Variants in ABHD12B observed in about 807,000 individuals in gnomAD.
ABHD12B encodes abhydrolase domain containing 12B.
In ABHD12B, 42 loss-of-function variants were observed where a neutral mutation model predicts 50.4. The ratio of observed to expected loss-of-function variants is 0.83; its 90% CI spans 0.65 to 1.08. The LOEUF (loss-of-function observed/expected upper bound fraction) is 1.08. Ranked by LOEUF, ABHD12B falls within the 50% of genes least tolerant of loss-of-function variation. The pLI is 0.00. For missense variants in ABHD12B, 479 were observed against 447.7 expected, an observed-to-expected ratio of 1.07 and a Z score of -0.63; for synonymous variants, 167 against 160.3, an observed-to-expected ratio of 1.04 and a Z score of -0.32.
chr14:50,893,109 T>C (rs1264978138), intron 9 of ABHD12B: 1 of 152,250 alleles, frequency 6.6e-6, no homozygotes, highest in African/African-American at 2.4e-5. Context: ...CTGTTTTTCA[T>C]GCAGTGTTCT....
chr14:50,883,973 G>A (rs991687810), intron 5 of ABHD12B, among the ~76,000 whole-genome samples: 20 of 151,560 alleles, frequency 1.3e-4, no homozygotes, highest in Admixed American at 1.1e-3. Flanking sequence ...CTATATATAC[G>A]TTTAGGTTGT....
intron 8 of ABHD12B, among the ~76,000 whole-genome samples, chr14:50,888,156 C>T (rs751716457): frequency 3.3e-5 from 5 of 151,950 alleles, no homozygotes; most frequent in African/African-American, 7.3e-5. Flanking sequence ...TTCTTAGCAA[C>T]GGACTGCATG....
At position 50,881,613 on chromosome 14, in the gene ABHD12B, T is replaced by C. The variant is rs1187457861; in HGVS notation, c.473T>C (p.Leu158Pro). The change falls in exon 5 of 13, where the codon CTG becomes CCG. Residue 158 changes from leucine (L) to proline (P), a missense_variant. Transcript: ENST00000337334. ...CTTCACAGGGCAGCTTCGCACAGAC[T>C]GAAGCTGGTAAAGGTATGTCTGAAG... ...SAEHRAASHR[L>P]KLVKVLSDGG... 3.1e-6 allele frequency: 5 copies of C among 1,606,826 alleles called. No homozygotes were observed. Among genetic ancestry groups the C allele is most frequent in the Admixed American group, 1.7e-5 (1 of 59,388 alleles).
chr14:50,899,260 A>G (rs1566494651), intron 9 of ABHD12B, among the ~76,000 whole-genome samples: 1 of 152,228 alleles, frequency 6.6e-6, no homozygotes, highest in Non-Finnish European at 1.5e-5. Flanking sequence ...CCTAAGCCAG[A>G]ACTATGAAGC....
At chr14:50,890,029 T>C (rs962003713) in intron 9 of ABHD12B, among the ~76,000 whole-genome samples, 1 of 152,178 alleles carries the variant, frequency 6.6e-6, no homozygotes, top group Non-Finnish European at 1.5e-5. Context: ...TATCTAAGTT[T>C]AACTAAATAT....
In ABHD12B at chr14:50,878,030, A is replaced by G; in HGVS notation, c.183A>G (p.Lys61=). ...ACAGCTTTACTAGTAAATCCTTAAAAGAACACGTTTTCCTTCCTCTGATAG... is the reference window on the plus strand; with the variant it reads ...ACAGCTTTACTAGTAAATCCTTAAAGGAACACGTTTTCCTTCCTCTGATAG... The part of the protein sequence containing the change: ...LYDSFTSKSL[K]EHVFLPLIDM... Residue 61 remains lysine (K), a synonymous_variant, in exon 2 of 13, where the codon AAA becomes AAG. Transcript: ENST00000337334. 3 of 1,534,744 alleles carry G rather than the reference A, an allele frequency of 2.0e-6. No individual in the cohort carries two copies. The highest frequency in any genetic ancestry group is 2.6e-6 in the Non-Finnish European group (3 of 1,146,406).
chr14:50,886,235 C>T (rs973852883), intron 7 of ABHD12B, among the ~76,000 whole-genome samples: 18 of 151,878 alleles, frequency 1.2e-4, no homozygotes, highest in East Asian at 1.9e-4. Context: ...GCCAGGAGTT[C>T]GAGACTAGCC....
rs747184680 is a variant in ABHD12B at position 50,885,652 on chromosome 14, C to T, written c.525C>T (p.Asp175=). ...SDGGFHVLSV[D]YRGFGDSTGK... Reference sequence around the variant, plus strand: ...GTGGCTTTCATGTCTTGTCTGTTGACTACAGAGGTATGTGTTAAGAACGGT... The same window carrying T: ...GTGGCTTTCATGTCTTGTCTGTTGATTACAGAGGTATGTGTTAAGAACGGT... Residue 175 remains aspartate, a synonymous_variant, in exon 6 of 13, where the codon GAC becomes GAT. Transcript: ENST00000337334. The T allele has an allele frequency of 1.2e-6, 2 of 1,614,200 alleles. No individual in the cohort carries two copies. The highest frequency in any genetic ancestry group is 3.3e-5 in the Admixed American group (2 of 60,028).
chr14:50,889,948 A>C (rs1458278069), intron 9 of ABHD12B, among the ~76,000 whole-genome samples: 1 of 152,232 alleles, frequency 6.6e-6, no homozygotes, highest in Admixed American at 6.5e-5. Flanking sequence ...AACTATTTTC[A>C]GGGAAAAGTA....
intron 9 of ABHD12B, among the ~76,000 whole-genome samples, chr14:50,894,495 A>G (rs549131226): frequency 5.9e-5 from 9 of 152,140 alleles, no homozygotes; most frequent in Admixed American, 6.5e-5. Context: ...TGTGTTCTCA[A>G]AAACTTAAAA....
chr14:50,904,504 T>C lies in ABHD12B; in HGVS notation c.*138T>C. The stretch of plus-strand genomic sequence containing the variant: ...CTTCTCTACAAATCACTTGCCATTT[T>C]AACAACAGAAAGTACGAATGTTAGG... On this transcript the variant is annotated 3_prime_UTR_variant, in exon 13 of 13. Transcript: ENST00000337334. 1 of 1,076,100 alleles carries C rather than the reference T, an allele frequency of 9.3e-7. No individual in the cohort carries two copies. The highest frequency in any genetic ancestry group is 1.4e-6 in the Non-Finnish European group (1 of 712,004). The allele number at this position is 1,076,100 out of a possible 1,614,324, so 66.7% of individuals were successfully genotyped here.
chr14:50,895,595 A>G (rs1403176951), intron 9 of ABHD12B: 3 of 151,718 alleles, frequency 2.0e-5, no homozygotes, highest in African/African-American at 4.8e-5. Flanking sequence ...CTCTGGCCCA[A>G]GGCTCTCTGA....
At position 50,872,291 on chromosome 14, in the gene ABHD12B, C is replaced by T. The variant is rs772753106; in HGVS notation, c.104+13C>T. ...ACCGCAACCTGCGGTGAGTACCGCC[C>T]GGTCCACCCCTGGCCGGGCCCCGAC... On this transcript the variant is annotated intron_variant, in intron 1 of 12. Coordinates refer to ENST00000337334, the MANE Select transcript of ABHD12B (RefSeq NM_001206673.2). 2.5e-4 allele frequency: 322 copies of T among 1,295,542 alleles called. 4 individuals carry two copies. Among genetic ancestry groups the T allele is most frequent in the Middle Eastern group, 1.2e-3 (4 of 3,462 alleles). The allele number at this position is 1,295,542 out of a possible 1,614,324, so 80.3% of individuals were successfully genotyped here. A position where few individuals can be genotyped will look rare whatever the true frequency, so the allele number is the denominator to read the frequency against.
intron 1 of ABHD12B, among the ~76,000 whole-genome samples, chr14:50,875,566 G>A (rs2049850647): frequency 6.6e-6 from 1 of 152,206 alleles, no homozygotes; most frequent in Non-Finnish European, 1.5e-5. Flanking sequence ...GAACACCAAA[G>A]CACCAAGGTG....
chr14:50,893,077 T>A (rs575904646), intron 9 of ABHD12B: 1 of 152,382 alleles, frequency 6.6e-6, no homozygotes, highest in East Asian at 1.9e-4. Flanking sequence ...ATTTTCCATA[T>A]GCTTGAAAAG....
At chr14:50,904,234 A>G (rs1337920805) in intron 12 of ABHD12B, 42 bp downstream of exon 12, 4 of 1,613,038 alleles carry the variant, frequency 2.5e-6, no homozygotes, top group African/African-American at 2.7e-5. Flanking sequence ...CTTCAAGGCA[A>G]TTAGGGCTGC....
At chr14:50,902,050 A>G (rs1455218800) in intron 10 of ABHD12B, 139 bp downstream of exon 10, 2 of 557,656 alleles carry the variant, frequency 3.6e-6, no homozygotes, top group Non-Finnish European at 6.1e-6. Flanking sequence ...TGCGCTTCTT[A>G]GATGGGCACT....
intron 1 of ABHD12B, among the ~76,000 whole-genome samples, chr14:50,872,498 C>T (rs544219931): frequency 6.6e-6 from 1 of 152,192 alleles, no homozygotes; most frequent in Non-Finnish European, 1.5e-5. Flanking sequence ...CCTGGACCAG[C>T]GAGACTCTCA....
chr14:50,902,306 G>C (rs1229839080), intron 10 of ABHD12B, among the ~76,000 whole-genome samples: 1 of 152,058 alleles, frequency 6.6e-6, no homozygotes, highest in South Asian at 2.1e-4. Context: ...AACACAGGGA[G>C]ACACCATCTC....
Sources: allele counts gnomAD v4.1 joint callset (sites outside exome capture counted in the v4.1 genomes callset), GRCh38; gene constraint gnomAD v4.1.1; transcripts MANE v1.5; gene names NCBI Gene and HGNC (gene_info 2026-07-23, HGNC 2026-07-21).